The following STK17B variants were observed in gnomAD, a reference collection of about 807,000 sequenced individuals.
STK17B encodes the protein serine/threonine-protein kinase 17B.
STK17B carries 21 observed loss-of-function variants against 42.0 expected under a neutral mutation model. The ratio of observed to expected loss-of-function variants is 0.50; its 90% CI spans 0.35 to 0.72. The LOEUF (loss-of-function observed/expected upper bound fraction) is 0.72. Among genes scored for constraint, STK17B ranks in the 30% least tolerant of loss-of-function variants. The probability of loss-of-function intolerance (pLI) is 0.00; values close to 1 mark genes in which losing one functional copy is unlikely to be tolerated. For synonymous variants in STK17B, 143 were observed against 148.4 expected (o/e 0.96, Z 0.26); for missense variants, 349 against 446.0 (o/e 0.78, Z 1.96).
intron 2 of STK17B, among the ~76,000 whole-genome samples, chr2:196,161,626 C>G (rs1341289961): frequency 7.3e-6 from 1 of 136,726 alleles, no homozygotes; most frequent in African/African-American, 2.7e-5. Context: ...TCAAGTGATT[C>G]TTCTGCCTCA....
At chr2:196,174,295 T>G (rs1441869481), upstream of STK17B, 1 of 152,064 alleles carries the variant, frequency 6.6e-6, no homozygotes, top group African/African-American at 2.4e-5. Context: ...GGCACGACAC[T>G]CACCATATTC....
At chr2:196,152,200 A>C (rs558802716) in intron 3 of STK17B, among the ~76,000 whole-genome samples, 1 of 150,334 alleles carries the variant, frequency 6.7e-6, no homozygotes, top group Non-Finnish European at 1.5e-5. Context: ...TCTGCCTCCC[A>C]GGTTCAAGCA....
rs146494042 is a variant in STK17B at position 196,161,742 on chromosome 2, T to A, written c.122+1520A>T. On this transcript the variant is annotated intron_variant, in intron 2 of 7. Transcript: ENST00000263955. Reference sequence around the variant, plus strand: ...TATGTTGGCAAGGGTGGTCTCGAACTCCTGACCTCGTGACCCACCCTCCTC... The same window carrying A: ...TATGTTGGCAAGGGTGGTCTCGAACACCTGACCTCGTGACCCACCCTCCTC... 2.0e-5 allele frequency among the ~76,000 whole-genome samples: 3 copies of A among 152,132 alleles called. No individual in the cohort carries two copies. The East Asian group carries it at 5.8e-4, about 29-fold the overall frequency.
At chr2:196,168,639 T>C (rs1022075779) in intron 1 of STK17B, among the ~76,000 whole-genome samples, 9 of 151,294 alleles carry the variant, frequency 5.9e-5, no homozygotes, top group African/African-American at 1.5e-4. Context: ...CATATAAATA[T>C]TAAAAGAAAC....
At chr2:196,175,964 G>A (rs1171893235), upstream of STK17B, among the ~76,000 whole-genome samples, 1 of 152,150 alleles carries the variant, frequency 6.6e-6, no homozygotes, top group African/African-American at 2.4e-5. Flanking sequence ...AAATTCGGTG[G>A]TACATATCTG....
At chr2:196,168,838 C>T (rs4850676) in intron 1 of STK17B, among the ~76,000 whole-genome samples, 88,865 of 151,886 alleles carry the variant, frequency 0.59, 26,510 homozygotes, top group South Asian at 0.66. Flanking sequence ...TTGATAACAG[C>T]CCAGCATAGA....
chr2:196,143,795 T>A, intron 4 of STK17B, 109 bp from the exon 5 acceptor site: 1 of 1,031,292 alleles, frequency 9.7e-7, no homozygotes, highest in Non-Finnish European at 1.3e-6. Flanking sequence ...ATACATTTCA[T>A]TGAGTCATGC....
At chr2:196,152,395 C>T (rs536191039) in intron 3 of STK17B, among the ~76,000 whole-genome samples, 6 of 152,032 alleles carry the variant, frequency 3.9e-5, no homozygotes, top group Non-Finnish European at 8.8e-5. Flanking sequence ...GCGTGAGCCA[C>T]CACCCCCGGC....
In STK17B at chr2:196,135,777, C is replaced by CAAAAAAAA. The variant is rs66802894; in HGVS notation, c.*1662_*1669dup. 1.8e-4 allele frequency: 9 copies of CAAAAAAAA among 50,136 alleles called. 2 individuals are homozygous for CAAAAAAAA. The highest frequency in any genetic ancestry group is 6.9e-4 in the East Asian group (1 of 1,440). The allele number at this position is 50,136 out of a possible 1,614,324, so 3.1% of individuals were successfully genotyped here. A position where few individuals can be genotyped will look rare whatever the true frequency, so the allele number is the denominator to read the frequency against. ...TGAGAGACAGAGCAAAACTCCATCT[C>CAAAAAAAA]AAAAAAAAAAAAAAAAAAAAAAAGC... On this transcript the variant is annotated 3_prime_UTR_variant, in exon 8 of 8. Coordinates refer to ENST00000263955, the MANE Select transcript of STK17B (RefSeq NM_004226.4).
intron 1 of STK17B, among the ~76,000 whole-genome samples, chr2:196,168,704 G>A (rs969800220): frequency 1.5e-4 from 23 of 152,038 alleles, no homozygotes; most frequent in Admixed American, 6.5e-5. Context: ...TCTGGAAAAA[G>A]GATAATAAAA....
rs779126465 is a variant in STK17B at position 196,163,380 on chromosome 2, A to C, written c.4T>G (p.Ser2Ala). 6.3e-7 allele frequency: 1 copy of C among 1,590,910 alleles called. No individual in the cohort carries two copies. Among genetic ancestry groups the C allele is most frequent in the Non-Finnish European group, 8.5e-7 (1 of 1,173,372 alleles). Residue 2 changes from serine to alanine, a missense_variant, in exon 2 of 8, where the codon TCG (serine) becomes GCG (alanine). Physicochemically the swap from Ser to Ala is moderately conservative, Grantham distance 99. This residue lies in a region of STK17B where 256 missense variants were observed against 347.7 expected (regional missense o/e 0.74). Coordinates refer to ENST00000263955, the MANE Select transcript of STK17B (RefSeq NM_004226.4). ...CTTCGGCAATCAAATCTCCTCCTCG[A>C]CATGTTAGGTGATTCCCAGGTCTGC... The part of the protein sequence containing the change: M[S>A]RRRFDCRSIS...
Position 196,137,325 on chromosome 2 carries a change from A to C in STK17B, c.*122T>G. ...ATTTAACATTAAAACACTTCCCTAAATTATTCCATGGAAAAGTGCATTTAC... is the reference window on the plus strand; with the variant it reads ...ATTTAACATTAAAACACTTCCCTAACTTATTCCATGGAAAAGTGCATTTAC... On this transcript the variant is annotated 3_prime_UTR_variant, in exon 8 of 8. Coordinates refer to ENST00000263955, the MANE Select transcript of STK17B (RefSeq NM_004226.4). 1 of 1,100,028 alleles carries C rather than the reference A, an allele frequency of 9.1e-7. No individual in the cohort carries two copies. The allele number at this position is 1,100,028 out of a possible 1,614,324, so 68.1% of individuals were successfully genotyped here.
chr2:196,168,047 A>G (rs2105716042), intron 1 of STK17B, among the ~76,000 whole-genome samples: 1 of 152,320 alleles, frequency 6.6e-6, no homozygotes, highest in Middle Eastern at 3.4e-3. Context: ...AATGATGATG[A>G]TTTTCAATTT....
intron 3 of STK17B, chr2:196,153,469 A>G (rs550343737): frequency 2.3e-4 from 35 of 152,268 alleles, no homozygotes; most frequent in African/African-American, 8.4e-4. Flanking sequence ...GAGCTATGAG[A>G]CTAAATTCGT....
chr2:196,144,342 T>TCCGC (rs1699537933), intron 4 of STK17B, among the ~76,000 whole-genome samples: 1 of 149,292 alleles, frequency 6.7e-6, no homozygotes, highest in African/African-American at 2.5e-5. Context: ...TACAAAAAAA[T>TCCGC]CAGGCGTGGT....
chr2:196,173,270 C>T (rs114196370), upstream of STK17B, among the ~76,000 whole-genome samples: 2 of 152,304 alleles, frequency 1.3e-5, no homozygotes, highest in African/African-American at 2.4e-5. Flanking sequence ...CACCATCCTC[C>T]TCATCCATAC....
chr2:196,176,201 T>C (rs1028229434), upstream of STK17B: 11 of 152,214 alleles, frequency 7.2e-5, no homozygotes, highest in African/African-American at 2.7e-4. Flanking sequence ...AGGGTCCATG[T>C]GGTTTCATCT....
intron 3 of STK17B, among the ~76,000 whole-genome samples, chr2:196,146,718 T>C (rs892149582): frequency 1.3e-5 from 2 of 152,072 alleles, no homozygotes; most frequent in African/African-American, 4.8e-5. Flanking sequence ...TTTTCATATA[T>C]ATGAATTCTT....
intron 2 of STK17B, among the ~76,000 whole-genome samples, chr2:196,158,883 T>A (rs189233771): frequency 1.3e-5 from 2 of 151,802 alleles, no homozygotes; most frequent in Non-Finnish European, 2.9e-5. Flanking sequence ...TGGTGGCACA[T>A]GCCTGTAATC....
Sources: gnomAD v4.1 joint callset for allele counts (sites outside exome capture counted in the v4.1 genomes callset) on GRCh38, gnomAD v4.1.1 for gene constraint, gnomAD v4.1.1 regional missense constraint, MANE v1.5 for transcripts, NCBI Gene and HGNC (gene_info 2026-07-23, HGNC 2026-07-21) for gene names.